Variants in CC2D1A observed in about 807,000 individuals in gnomAD.
CC2D1A encodes coiled-coil and C2 domain containing 1A, also known as coiled-coil and C2 domain-containing protein 1A.
A neutral mutation model predicts 123.8 loss-of-function variants in CC2D1A; 68 were observed. That is an observed-to-expected ratio of 0.55 (90% confidence interval 0.45 to 0.67). The LOEUF is 0.67. Among genes scored for constraint, CC2D1A ranks in the 30% least tolerant of loss-of-function variants. CC2D1A has a pLI of 0.00. For synonymous variants in CC2D1A, 477 were observed against 528.0 expected, an observed-to-expected ratio of 0.90 and a Z score of 1.32; for missense variants, 1,185 against 1,290.3, an observed-to-expected ratio of 0.92 and a Z score of 1.25.
intron 17 of CC2D1A, among the ~76,000 whole-genome samples, chr19:13,924,475 T>A (rs574151760): frequency 3.4e-4 from 51 of 152,150 alleles, no homozygotes; most frequent in Non-Finnish European, 6.2e-4. Flanking sequence ...CGGCCTTTTT[T>A]AAAATTTTTT....
chr19:13,926,354 A>G (rs1334339771), intron 17 of CC2D1A, among the ~76,000 whole-genome samples, 163 bp from the exon 18 acceptor site: 1 of 152,138 alleles, frequency 6.6e-6, no homozygotes, highest in African/African-American at 2.4e-5. Flanking sequence ...AGAGAACTCT[A>G]GTCTGTCTGA....
rs914877188 is a variant in CC2D1A, at chr19:13,906,821, G to A, written c.60+320G>A. Reference sequence around the variant, plus strand: ...CAGACTCTTTTTATTCCATTGTACAGATGAGGACTTTGAGACTCAGAGACG... The same window carrying A: ...CAGACTCTTTTTATTCCATTGTACAAATGAGGACTTTGAGACTCAGAGACG... On this transcript the variant is annotated intron_variant, in intron 1 of 28. Transcript: ENST00000318003. This position sits in a 1 kb window ranked among gnomAD's most constrained non-coding sequence, Gnocchi z 4.1. 2.0e-5 allele frequency among the ~76,000 whole-genome samples: 3 copies of A among 152,224 alleles called. No homozygotes were observed. Among genetic ancestry groups the A allele is most frequent in the Non-Finnish European group, 4.4e-5 (3 of 68,036 alleles).
At chr19:13,916,900 C>G (rs1971226945) in intron 6 of CC2D1A, among the ~76,000 whole-genome samples, 1 of 152,174 alleles carries the variant, frequency 6.6e-6, no homozygotes, top group Non-Finnish European at 1.5e-5. Context: ...GCACTTATAG[C>G]TTTAAACATT....
intron 2 of CC2D1A, among the ~76,000 whole-genome samples, chr19:13,910,465 C>T (rs1026086327): frequency 1.3e-5 from 2 of 151,100 alleles, no homozygotes; most frequent in African/African-American, 2.4e-5. Flanking sequence ...AGTTGGAATC[C>T]GAGCTCTGCC....
In CC2D1A at chr19:13,918,531, A is replaced by G. The variant is rs1391551714; in HGVS notation, c.901A>G (p.Ser301Gly). ...CTTTGATGCTGTCTTGGAGGCCCTG[A>G]GCCGGGGTGAGCCCGTGGACCTCTC... Reference protein sequence around the residue: ...KSFDAVLEALSRGEPVDLSCL... With the variant: ...KSFDAVLEALGRGEPVDLSCL... The change falls in exon 8 of 29, where the codon AGC becomes GGC. Residue 301 changes from serine (S) to glycine (G), a missense_variant. Ser to Gly is a moderately conservative substitution (Grantham distance 56). Coordinates refer to ENST00000318003, the MANE Select transcript of CC2D1A (RefSeq NM_017721.5). 1 of 1,613,828 alleles carries G rather than the reference A, an allele frequency of 6.2e-7. No homozygotes were observed. Among genetic ancestry groups the G allele is most frequent in the Admixed American group, 1.7e-5 (1 of 59,988 alleles).
rs892430825 is a variant in CC2D1A at position 13,930,814 on chromosome 19, C to T, written c.*419C>T. 38 of 221,582 alleles carry T rather than the reference C, an allele frequency of 1.7e-4. No individual in the cohort carries two copies. The highest frequency in any genetic ancestry group is 3.0e-4 in the Non-Finnish European group (34 of 112,830). 13.7% of individuals were successfully genotyped at this position (221,582 alleles called of 1,614,324 possible). On this transcript the variant is annotated 3_prime_UTR_variant, in exon 29 of 29. Transcript: ENST00000318003. This position sits in a 1 kb window ranked among gnomAD's most constrained non-coding sequence, Gnocchi z 6.8. ...CCGAGCCACACTGTCTCCCCAGGGG[C>T]GTCGACCTGGCCCAGCTGGGTCCCC...
chr19:13,910,042 G>A lies in CC2D1A; in HGVS notation c.196+84G>A, dbSNP rs1970943878. On this transcript the variant is annotated intron_variant, in intron 2 of 28. Transcript: ENST00000318003. The stretch of plus-strand genomic sequence containing the variant: ...CAGAACTGGGGGCACTGGGTAGGTA[G>A]GGGAAAGAAGACAGAGAAGACCCCT... 3 of 1,335,298 alleles carry A rather than the reference G, an allele frequency of 2.2e-6. No individual in the cohort carries two copies. The East Asian group carries it at 7.6e-5, about 34-fold the overall frequency. The allele number at this position is 1,335,298 out of a possible 1,614,324, so 82.7% of individuals were successfully genotyped here. A position where few individuals can be genotyped will look rare whatever the true frequency, so the allele number is the denominator to read the frequency against.
intron 1 of CC2D1A, among the ~76,000 whole-genome samples, chr19:13,907,967 T>A (rs191506961): frequency 6.6e-6 from 1 of 152,286 alleles, no homozygotes; most frequent in East Asian, 1.9e-4. Context: ...GGAAGACGGG[T>A]CTGCATGGCA....
chr19:13,915,501 G>A (rs976039658), intron 6 of CC2D1A, among the ~76,000 whole-genome samples: 5 of 152,204 alleles, frequency 3.3e-5, no homozygotes, highest in Middle Eastern at 3.4e-3. Context: ...CGCCTGCTCC[G>A]CCTCCCAAAG....
chr19:13,923,269 C>T lies in CC2D1A; in HGVS notation c.1642-64C>T. 2.0e-6 allele frequency: 3 copies of T among 1,525,900 alleles called. No individual in the cohort carries two copies. Among genetic ancestry groups the T allele is most frequent in the Non-Finnish European group, 2.6e-6 (3 of 1,143,530 alleles). The allele number at this position is 1,525,900 out of a possible 1,614,324, so 94.5% of individuals were successfully genotyped here. A position where few individuals can be genotyped will look rare whatever the true frequency, so the allele number is the denominator to read the frequency against. ...CCCTCGTCAAGGAAGAATGACATTTCTGCAGAGCCCTAGGTGGGCCTGCTT... is the reference window on the plus strand; with the variant it reads ...CCCTCGTCAAGGAAGAATGACATTTTTGCAGAGCCCTAGGTGGGCCTGCTT... On this transcript the variant is annotated intron_variant, in intron 14 of 28. Transcript: ENST00000318003. The surrounding 1 kb of genome is among the most constrained non-coding windows in gnomAD (Gnocchi z 5.3).
At chr19:13,915,611 T>A (rs1971179688) in intron 6 of CC2D1A, among the ~76,000 whole-genome samples, 1 of 152,128 alleles carries the variant, frequency 6.6e-6, no homozygotes. Flanking sequence ...CCCAGCACTC[T>A]GGGAGGCCAG....
In CC2D1A at chr19:13,906,906, C is replaced by A. The variant is rs939913288; in HGVS notation, c.60+405C>A. On this transcript the variant is annotated intron_variant, in intron 1 of 28. Coordinates refer to ENST00000318003, the MANE Select transcript of CC2D1A (RefSeq NM_017721.5). The surrounding 1 kb of genome is among the most constrained non-coding windows in gnomAD (Gnocchi z 4.1). ...GCTTGGCCAGGGCTAAGCACAAATC[C>A]AGGGCTGCAGCCATAAGCTTATGGC... Among the ~76,000 whole-genome samples, 15 of 152,210 alleles carry A rather than the reference C, an allele frequency of 9.9e-5. No homozygotes were observed. The highest frequency in any genetic ancestry group is 1.8e-4 in the Non-Finnish European group (12 of 68,042).
chr19:13,924,479 A>T (rs948339894), intron 17 of CC2D1A, among the ~76,000 whole-genome samples: 9 of 149,782 alleles, frequency 6.0e-5, no homozygotes, highest in African/African-American at 2.0e-4. Context: ...CTTTTTTAAA[A>T]TTTTTTTTCT....
Position 13,920,674 on chromosome 19 carries a change from T to C in CC2D1A, c.1468+6T>C. On this transcript the variant is annotated splice_donor_region_variant and intron_variant, in intron 13 of 28. Coordinates refer to ENST00000318003, the MANE Select transcript of CC2D1A (RefSeq NM_017721.5). ...CAAAGCCACATCCACCAGAGGTAAG[T>C]TCCCCCTCCCCGCCCCAGCTGCCTG... 1.2e-6 allele frequency: 2 copies of C among 1,607,256 alleles called. No homozygotes were observed. Among genetic ancestry groups the C allele is most frequent in the South Asian group, 1.1e-5 (1 of 90,424 alleles).
Position 13,923,854 on chromosome 19 carries a change from C to T in CC2D1A, c.1940+43C>T. The T allele has an allele frequency of 5.5e-6, 8 of 1,455,596 alleles. No homozygotes were observed. The highest frequency in any genetic ancestry group is 7.7e-6 in the Non-Finnish European group (8 of 1,037,392). The allele number at this position is 1,455,596 out of a possible 1,614,324, so 90.2% of individuals were successfully genotyped here. On this transcript the variant is annotated intron_variant, in intron 17 of 28. Transcript: ENST00000318003. The surrounding 1 kb of genome is among the most constrained non-coding windows in gnomAD (Gnocchi z 5.3). Reference sequence around the variant, plus strand: ...CGCCCCACCACGTGGCCCCAGTGGCCCTTTGGTGGCGGTGGGGCGGGTTGT... The same window carrying T: ...CGCCCCACCACGTGGCCCCAGTGGCTCTTTGGTGGCGGTGGGGCGGGTTGT...
rs750227480 is a variant in CC2D1A at position 13,923,388 on chromosome 19, C to G, written c.1697C>G (p.Pro566Arg). 2 of 1,612,784 alleles carry G rather than the reference C, an allele frequency of 1.2e-6. No homozygotes were observed. The highest frequency in any genetic ancestry group is 1.7e-6 in the Non-Finnish European group (2 of 1,179,988). ...DDFALVQRPG[P>R]GLSQEAARRY... ...TTTGCCCTGGTCCAGCGGCCTGGCC[C>G]GGGTCTGTCTCAGGAGGCCGCCCGG... is the stretch of plus-strand genomic sequence containing the variant. Residue 566 changes from proline to arginine, a missense_variant, in exon 15 of 29, where the codon CCG becomes CGG. Transcript: ENST00000318003. The surrounding 1 kb of genome is among the most constrained non-coding windows in gnomAD (Gnocchi z 5.3).
chr19:13,907,496 A>G (rs1026090475), intron 1 of CC2D1A, among the ~76,000 whole-genome samples: 1 of 151,800 alleles, frequency 6.6e-6, no homozygotes, highest in African/African-American at 2.4e-5. Context: ...GCCATGGCGA[A>G]ACCCCATCTC....
rs772361075 is a variant in CC2D1A at position 13,918,185 on chromosome 19, C to T, written c.864C>T (p.Arg288=). ...GDTTAAARHF[R]VAKSFDAVLE... is the part of the protein sequence containing the mutation. ...CCACTGCTGCCGCTAGACACTTCCG[C>T]GTGGCTAAGGTGCGTCCAGCCTGAC... The change falls in exon 7 of 29, where the codon CGC becomes CGT. Residue 288 remains arginine, a synonymous_variant. Transcript: ENST00000318003. The T allele has an allele frequency of 5.7e-6, 9 of 1,592,402 alleles. No individual in the cohort carries two copies. The highest frequency in any genetic ancestry group is 1.8e-5 in the Admixed American group (1 of 55,846).
In CC2D1A at chr19:13,930,062, C is replaced by T. The variant is rs569809369; in HGVS notation, c.2711-16C>T. On this transcript the variant is annotated splice_polypyrimidine_tract_variant and intron_variant, in intron 26 of 28. Coordinates refer to ENST00000318003, the MANE Select transcript of CC2D1A (RefSeq NM_017721.5). This position sits in a 1 kb window ranked among gnomAD's most constrained non-coding sequence, Gnocchi z 6.8. Reference sequence around the variant, plus strand: ...GCCCCACCCTAAGCCTCCATTCCCCCGCCATCCATTCTCAGAATACGCAGC... The same window carrying T: ...GCCCCACCCTAAGCCTCCATTCCCCTGCCATCCATTCTCAGAATACGCAGC... 2.2e-5 allele frequency: 35 copies of T among 1,611,194 alleles called. 1 individual carries two copies. Among genetic ancestry groups the T allele is most frequent in the South Asian group, 9.9e-5 (9 of 90,746 alleles).
Sources: gnomAD v4.1 joint callset for allele counts (sites outside exome capture counted in the v4.1 genomes callset) on GRCh38, gnomAD v4.1.1 for gene constraint, Gnocchi (gnomAD v3.1) non-coding constraint, MANE v1.5 for transcripts, NCBI Gene and HGNC (gene_info 2026-07-23, HGNC 2026-07-21) for gene names.